GALNT17: variants seen among roughly 807,000 people sequenced by gnomAD.
GALNT17 encodes the protein polypeptide N-acetylgalactosaminyltransferase 17, also known as UDP-GalNAc:polypeptide N-acetylgalactosaminyltransferase-like 3.
A neutral mutation model predicts 63.7 loss-of-function variants in GALNT17; 29 were observed. The ratio of observed to expected loss-of-function variants is 0.46; its 90% CI spans 0.34 to 0.62. The LOEUF (loss-of-function observed/expected upper bound fraction) is 0.62. Among genes scored for constraint, GALNT17 ranks in the 20% least tolerant of loss-of-function variants. The pLI is 0.01. For missense variants in GALNT17, 603 were observed against 799.6 expected (o/e 0.75, Z 2.97); for synonymous variants, 305 against 318.3 (o/e 0.96, Z 0.45).
chr7:71,620,911 T>C (rs1790280129), intron 6 of GALNT17, among the ~76,000 whole-genome samples: 1 of 152,174 alleles, frequency 6.6e-6, no homozygotes, highest in Admixed American at 6.5e-5. Flanking sequence ...TCACATTGGC[T>C]TGCAAATTCA....
intron 6 of GALNT17, among the ~76,000 whole-genome samples, chr7:71,641,027 C>T (rs1026817492): frequency 7.2e-5 from 11 of 152,132 alleles, no homozygotes; most frequent in Non-Finnish European, 1.5e-4. Context: ...TATATCAGAA[C>T]CTCAAGGAAT....
intron 1 of GALNT17, among the ~76,000 whole-genome samples, chr7:71,172,421 C>G (rs1409625217): frequency 1.3e-5 from 2 of 149,396 alleles, no homozygotes; most frequent in Non-Finnish European, 3.0e-5. Context: ...CTCACCACCA[C>G]TGTATTGCAG....
intron 7 of GALNT17, among the ~76,000 whole-genome samples, chr7:71,669,406 G>A (rs1177518365): frequency 6.6e-6 from 1 of 151,998 alleles, no homozygotes; most frequent in Admixed American, 6.6e-5. Context: ...AGCTACTGGG[G>A]AGGCTGAGGC....
chr7:71,139,216 A>T (rs188241419), intron 1 of GALNT17, among the ~76,000 whole-genome samples: 4 of 152,236 alleles, frequency 2.6e-5, no homozygotes, highest in African/African-American at 9.6e-5. Flanking sequence ...ACTTCCTCCC[A>T]GGAGTCCAGC....
intron 1 of GALNT17, among the ~76,000 whole-genome samples, chr7:71,145,234 C>T (rs760659195): frequency 2.6e-5 from 4 of 152,144 alleles, no homozygotes; most frequent in African/African-American, 7.2e-5. Flanking sequence ...GAAAACTGAA[C>T]GCTTCATGTT....
At chr7:71,215,962 CT>C (rs1471899801) in intron 1 of GALNT17, among the ~76,000 whole-genome samples, 12 of 152,156 alleles carry the variant, frequency 7.9e-5, no homozygotes, top group Admixed American at 7.2e-4. Context: ...CATTAGAGAG[CT>C]GATGTCAGGC....
In GALNT17 at chr7:71,637,781, C is replaced by G. The variant is rs115417789; in HGVS notation, c.1081-27630C>G. On this transcript the variant is annotated intron_variant, in intron 6 of 10. Coordinates refer to ENST00000333538, the MANE Select transcript of GALNT17 (RefSeq NM_022479.3). ...CAGCATGTCAGACCATCTGCTCCAT[C>G]TGGTGAAGTGAGCAGTGCTAATATT... Among the ~76,000 whole-genome samples, 1,232 of 152,270 alleles carry G rather than the reference C, an allele frequency of 8.1e-3. 18 individuals are homozygous for G. The highest frequency in any genetic ancestry group is 0.023 in the African/African-American group (954 of 41,562).
At chr7:71,552,933 C>T (rs941220048) in intron 5 of GALNT17, among the ~76,000 whole-genome samples, 10 of 152,158 alleles carry the variant, frequency 6.6e-5, no homozygotes, top group Non-Finnish European at 1.3e-4. Context: ...TAGAAGGAAA[C>T]CCAGTTGCTG....
chr7:71,598,546 T>C (rs1351057585), intron 6 of GALNT17, among the ~76,000 whole-genome samples: 1 of 151,698 alleles, frequency 6.6e-6, no homozygotes, highest in Admixed American at 6.5e-5. Flanking sequence ...TGGATGTCTT[T>C]TTATTCTTTT....
At chr7:71,357,425 C>T (rs1792307907) in intron 2 of GALNT17, among the ~76,000 whole-genome samples, 11 of 152,308 alleles carry the variant, frequency 7.2e-5, no homozygotes, top group Admixed American at 6.5e-4. Flanking sequence ...CATCCCCCCA[C>T]ACCCTTGGAA....
intron 6 of GALNT17, among the ~76,000 whole-genome samples, chr7:71,653,891 A>G (rs1417463192): frequency 6.6e-6 from 1 of 152,192 alleles, no homozygotes; most frequent in African/African-American, 2.4e-5. Context: ...AGAAACAAGC[A>G]CTGTGGTCAG....
intron 6 of GALNT17, among the ~76,000 whole-genome samples, chr7:71,598,562 T>G (rs1292540758): frequency 6.6e-6 from 1 of 152,228 alleles, no homozygotes; most frequent in Non-Finnish European, 1.5e-5. Context: ...CTTTTTTAAT[T>G]TAGTAGATTT....
chr7:71,469,463 TC>T (rs1282988835), intron 5 of GALNT17, among the ~76,000 whole-genome samples: 1 of 152,182 alleles, frequency 6.6e-6, no homozygotes. Flanking sequence ...CAGAATAGGT[TC>T]AGAGAGACTC....
chr7:71,562,127 T>A (rs1040173475), intron 5 of GALNT17, among the ~76,000 whole-genome samples: 3 of 152,072 alleles, frequency 2.0e-5, no homozygotes, highest in Non-Finnish European at 4.4e-5. Flanking sequence ...GGTTATTTTT[T>A]TAAAAAATTA....
chr7:71,566,116 C>T (rs570426133), intron 5 of GALNT17, among the ~76,000 whole-genome samples: 1 of 152,188 alleles, frequency 6.6e-6, no homozygotes, highest in African/African-American at 2.4e-5. Flanking sequence ...CTCAAGTGAT[C>T]TGCCCACCTT....
chr7:71,270,884 A>G (rs78864265), intron 1 of GALNT17, among the ~76,000 whole-genome samples: 5,236 of 152,140 alleles, frequency 0.034, 134 homozygotes, highest in Non-Finnish European at 0.055. Flanking sequence ...AAGTAATTTA[A>G]ATTCTGCCTG....
intron 1 of GALNT17, among the ~76,000 whole-genome samples, chr7:71,254,621 A>G (rs898577918): frequency 6.6e-6 from 1 of 152,050 alleles, no homozygotes; most frequent in African/African-American, 2.4e-5. Flanking sequence ...ATGTCTGACC[A>G]CCTAATTCCC....
intron 1 of GALNT17, among the ~76,000 whole-genome samples, chr7:71,304,838 G>A (rs1376990781): frequency 6.6e-6 from 1 of 151,974 alleles, no homozygotes; most frequent in African/African-American, 2.4e-5. Flanking sequence ...CCGCCTCTTG[G>A]GTTCAAGGGA....
intron 1 of GALNT17, among the ~76,000 whole-genome samples, chr7:71,223,757 T>A (rs937965041): frequency 6.6e-6 from 1 of 152,072 alleles, no homozygotes; most frequent in Non-Finnish European, 1.5e-5. Flanking sequence ...TGTTCCCTCT[T>A]TGTGTTGATG....
Sources: allele counts gnomAD v4.1 joint callset (sites outside exome capture counted in the v4.1 genomes callset), GRCh38; gene constraint gnomAD v4.1.1; transcripts MANE v1.5; gene names NCBI Gene and HGNC (gene_info 2026-07-23, HGNC 2026-07-21).